Variants in TMTC2 observed in about 807,000 individuals in gnomAD.
The protein encoded by TMTC2 is transmembrane O-mannosyltransferase targeting cadherins 2, also known as protein O-mannosyl-transferase TMTC2.
In TMTC2, 43 loss-of-function variants were observed where a neutral mutation model predicts 82.4. The observed-to-expected ratio is 0.52, with a 90% CI of 0.41 to 0.67. TMTC2 has a LOEUF of 0.67. TMTC2 is among the 30% of genes least tolerant of loss of function. The pLI, the probability that TMTC2 is intolerant of heterozygous loss-of-function variation, is 0.00. For synonymous variants in TMTC2, 408 were observed against 381.9 expected (o/e 1.07, Z -0.80); for missense variants, 919 against 1,012.4 (o/e 0.91, Z 1.25).
intron 1 of TMTC2, among the ~76,000 whole-genome samples, chr12:82,697,294 A>G (rs1443156496): frequency 6.7e-6 from 1 of 150,330 alleles, no homozygotes; most frequent in East Asian, 2.0e-4. Context: ...CAGTAGGCCA[A>G]GATCACGCCA....
intron 1 of TMTC2, among the ~76,000 whole-genome samples, chr12:82,743,903 A>G (rs985151311): frequency 6.6e-5 from 10 of 151,992 alleles, no homozygotes; most frequent in Non-Finnish European, 1.3e-4. Context: ...ATTGTTTTCT[A>G]TAGTTTTTCT....
chr12:83,081,205 A>G (rs1333784865), intron 11 of TMTC2, among the ~76,000 whole-genome samples: 1 of 152,242 alleles, frequency 6.6e-6, no homozygotes, highest in Non-Finnish European at 1.5e-5. Context: ...GTATCTTCAA[A>G]GACTATTTAG....
At position 82,896,210 on chromosome 12, in the gene TMTC2, A is replaced by C. The variant is rs1170942026; in HGVS notation, c.1047A>C (p.Ala349=). The C allele has an allele frequency of 1.2e-6, 2 of 1,613,972 alleles. No individual in the cohort carries two copies. The highest frequency in any genetic ancestry group is 2.2e-5 in the East Asian group (1 of 44,884). Residue 349 remains alanine (A), a synonymous_variant, in exon 3 of 12, where the codon GCA becomes GCC. Coordinates refer to ENST00000321196, the MANE Select transcript of TMTC2 (RefSeq NM_152588.3). ...GKTVTNGKQN[A]NGHSCLSDVE... ...CTGTAACAAATGGCAAGCAGAATGC[A>C]AATGGACATAGCTGCCTTTCAGATG... is the stretch of plus-strand genomic sequence containing the variant.
intron 9 of TMTC2, among the ~76,000 whole-genome samples, chr12:83,038,927 G>GTTTTTTT (rs537630267): frequency 3.7e-5 from 4 of 109,100 alleles, no homozygotes; most frequent in East Asian, 3.1e-4. Context: ...AAGCACCTTG[G>GTTTTTTT]TTTTTTTTTT....
chr12:83,027,464 T>C (rs1359025249), intron 8 of TMTC2, among the ~76,000 whole-genome samples: 1 of 152,136 alleles, frequency 6.6e-6, no homozygotes, highest in South Asian at 2.1e-4. Context: ...GTACAGCAGG[T>C]CCTTGAAATA....
chr12:82,729,756 G>C (rs1235744774), intron 1 of TMTC2, among the ~76,000 whole-genome samples: 1 of 152,198 alleles, frequency 6.6e-6, no homozygotes, highest in Non-Finnish European at 1.5e-5. Flanking sequence ...ACCCGCAGGG[G>C]CCGTTTTCCG....
intron 9 of TMTC2, among the ~76,000 whole-genome samples, chr12:83,044,563 G>A (rs1234966996): frequency 1.3e-5 from 2 of 152,174 alleles, no homozygotes; most frequent in African/African-American, 4.8e-5. Flanking sequence ...CACTATTTAG[G>A]AGGTTATTGC....
chr12:83,015,845 A>G (rs986177448), intron 8 of TMTC2, among the ~76,000 whole-genome samples: 47 of 152,192 alleles, frequency 3.1e-4, no homozygotes, highest in African/African-American at 1.1e-3. Context: ...GCTTGTATTT[A>G]TACATACAGA....
intron 3 of TMTC2, among the ~76,000 whole-genome samples, chr12:82,896,944 A>C (rs1452652323): frequency 6.6e-6 from 1 of 152,184 alleles, no homozygotes; most frequent in Admixed American, 6.5e-5. Context: ...TTTAGAAAAG[A>C]GCTTGGTTTT....
intron 11 of TMTC2, among the ~76,000 whole-genome samples, chr12:83,095,046 T>C (rs182654710): frequency 6.6e-6 from 1 of 152,280 alleles, no homozygotes. Flanking sequence ...CTACAAACAC[T>C]TAAAAAACAT....
At chr12:82,736,889 CATA>C (rs1295107339) in intron 1 of TMTC2, among the ~76,000 whole-genome samples, 7 of 152,138 alleles carry the variant, frequency 4.6e-5, no homozygotes, top group Non-Finnish European at 1.0e-4. Flanking sequence ...GCTTTTAAGA[CATA>C]GTAGGTAAAC....
At chr12:82,914,829 T>A (rs1299343370) in intron 3 of TMTC2, among the ~76,000 whole-genome samples, 5 of 146,142 alleles carry the variant, frequency 3.4e-5, no homozygotes, top group East Asian at 3.9e-4. Flanking sequence ...TTTTTTTTTT[T>A]TTTTTTTTTT....
intron 1 of TMTC2, among the ~76,000 whole-genome samples, chr12:82,813,360 C>T (rs1868511100): frequency 1.3e-5 from 2 of 152,072 alleles, no homozygotes; most frequent in Non-Finnish European, 2.9e-5. Context: ...GTGATCTACT[C>T]TCTTTACCAA....
At chr12:82,941,989 G>A (rs906177746) in intron 4 of TMTC2, among the ~76,000 whole-genome samples, 9 of 152,054 alleles carry the variant, frequency 5.9e-5, no homozygotes, top group African/African-American at 1.2e-4. Context: ...CAAGTGATCC[G>A]CCTGCCTCAA....
At chr12:82,753,445 T>C (rs1876128408) in intron 1 of TMTC2, among the ~76,000 whole-genome samples, 1 of 151,734 alleles carries the variant, frequency 6.6e-6, no homozygotes, top group African/African-American at 2.4e-5. Flanking sequence ...GGCTAAATTT[T>C]AAAAGTAAAT....
intron 1 of TMTC2, among the ~76,000 whole-genome samples, chr12:82,814,316 C>T (rs564862431): frequency 6.6e-6 from 1 of 152,182 alleles, no homozygotes; most frequent in East Asian, 1.9e-4. Context: ...AAAAGAAACT[C>T]TCACCAGGAA....
At chr12:83,097,138 A>G (rs747943752) in intron 11 of TMTC2, among the ~76,000 whole-genome samples, 1 of 152,190 alleles carries the variant, frequency 6.6e-6, no homozygotes, top group Non-Finnish European at 1.5e-5. Context: ...AAACTAACTA[A>G]CACACAACTA....
chr12:82,830,902 A>G (rs1311773312), intron 1 of TMTC2, among the ~76,000 whole-genome samples: 1 of 152,214 alleles, frequency 6.6e-6, no homozygotes, highest in Non-Finnish European at 1.5e-5. Context: ...ATGGAAAAAT[A>G]TTTAAGTAGT....
Position 82,895,856 on chromosome 12 carries a change from A to G in TMTC2, c.693A>G (p.Leu231=), listed in dbSNP as rs200153332. The G allele has an allele frequency of 1.2e-6, 2 of 1,612,542 alleles. 1 individual carries two copies. Among genetic ancestry groups the G allele is most frequent in the Non-Finnish European group, 1.7e-6 (2 of 1,179,394 alleles). The change falls in exon 3 of 12, where the codon TTA becomes TTG. Residue 231 remains leucine (L), a synonymous_variant. Coordinates refer to ENST00000321196, the MANE Select transcript of TMTC2 (RefSeq NM_152588.3). The part of the protein sequence containing the change: ...NLSLFLSISL[L]IFWGSSLLGA... ...CGCTTTTCCTAAGCATTAGTTTGTT[A>G]ATTTTCTGGGGTTCCTCCCTTTTGG...
Sources: allele counts gnomAD v4.1 joint callset (sites outside exome capture counted in the v4.1 genomes callset), GRCh38; gene constraint gnomAD v4.1.1; transcripts MANE v1.5; gene names NCBI Gene and HGNC (gene_info 2026-07-23, HGNC 2026-07-21).